The following FRMPD3 variants were observed in gnomAD, a reference collection of about 807,000 sequenced individuals.
The protein encoded by FRMPD3 is FERM and PDZ domain-containing protein 3.
In FRMPD3, 42 loss-of-function variants were observed where a neutral mutation model predicts 97.9. The observed-to-expected ratio is 0.43, with a 90% CI of 0.34 to 0.55. The LOEUF (loss-of-function observed/expected upper bound fraction) is 0.55, where lower values mean the gene tolerates loss of function less well. FRMPD3 is among the 20% of genes least tolerant of loss of function. FRMPD3 has a pLI of 0.03. For synonymous variants in FRMPD3, 577 were observed against 581.1 expected (o/e 0.99, Z 0.10); for missense variants, 1,303 against 1,457.7 (o/e 0.89, Z 1.73).
chrX:107,493,603 G>C (rs1921712158), intron 1 of FRMPD3, among the ~76,000 whole-genome samples: 1 of 112,106 alleles, frequency 8.9e-6, no homozygotes, highest in South Asian at 3.7e-4. Context: ...TTAAGCTATT[G>C]TGCCAAACAT....
chrX:107,597,594 G>T lies in FRMPD3; in HGVS notation c.1715G>T (p.Gly572Val). Residue 572 changes from glycine (G) to valine (V), a missense_variant, in exon 14 of 15, where the codon GGT (glycine) becomes GTT (valine). Physicochemically the swap from Gly to Val is moderately radical, Grantham distance 109. Around this residue, in one of 3 missense-constraint regions of FRMPD3, gnomAD observed 535 missense variants for 618.6 expected, o/e 0.86. Coordinates refer to ENST00000683843, the MANE Select transcript of FRMPD3 (RefSeq NM_001388459.1). ...SDPTSKSSGQGYEVVPDDFDA... is the reference protein window; with the variant it reads ...SDPTSKSSGQVYEVVPDDFDA... ...CCCACATCCAAAAGCTCTGGCCAAG[G>T]TTATGAGGTAGTCCCTGATGACTTT... The T allele has an allele frequency of 8.3e-7, 1 of 1,210,921 alleles. No individual in the cohort carries two copies. Among genetic ancestry groups the T allele is most frequent in the Non-Finnish European group, 1.1e-6 (1 of 895,474 alleles).
chrX:107,597,742 G>T lies in FRMPD3; in HGVS notation c.1863G>T (p.Glu621Asp). The change falls in exon 14 of 15, where the codon GAG becomes GAT. Residue 621 changes from glutamate to aspartate, a missense_variant. Coordinates refer to ENST00000683843, the MANE Select transcript of FRMPD3 (RefSeq NM_001388459.1). Reference protein sequence around the residue: ...YCDSCKAKLQEQLGPRKGGKP... With the variant: ...YCDSCKAKLQDQLGPRKGGKP... ...ACTCTTGCAAAGCCAAACTTCAGGA[G>T]CAGCTGGGCCCTCGCAAAGGTGGGA... is the stretch of plus-strand genomic sequence containing the variant. The T allele has an allele frequency of 3.3e-6, 4 of 1,200,982 alleles. No homozygotes were observed. The highest frequency in any genetic ancestry group is 2.3e-4 in the Middle Eastern group (1 of 4,348).
intron 10 of FRMPD3, among the ~76,000 whole-genome samples, chrX:107,561,339 T>TA (rs1180537475): frequency 1.8e-5 from 2 of 109,795 alleles, no homozygotes; most frequent in African/African-American, 6.8e-5. Flanking sequence ...TCTTTACTTT[T>TA]AAAAAAATAA....
chrX:107,541,607 A>G (rs1474396016), intron 4 of FRMPD3, among the ~76,000 whole-genome samples: 1 of 112,571 alleles, frequency 8.9e-6, no homozygotes, highest in Non-Finnish European at 1.9e-5. Flanking sequence ...TTTCAGTGGT[A>G]CAAACAGAAA....
Position 107,581,693 on chromosome X carries a change from T to C in FRMPD3, c.1441+5234T>C, listed in dbSNP as rs767958044. Among the ~76,000 whole-genome samples the C allele has an allele frequency of 4.5e-5, 5 of 111,684 alleles. No individual in the cohort carries two copies. The East Asian group carries it at 8.4e-4, about 19-fold the overall frequency. Reference sequence around the variant, plus strand: ...ATCACCTCCCAGCCCTAAGCAACCATTGGTCTACTTTCAGTCTATAGCTTT... The same window carrying C: ...ATCACCTCCCAGCCCTAAGCAACCACTGGTCTACTTTCAGTCTATAGCTTT... On this transcript the variant is annotated intron_variant, in intron 13 of 14. Transcript: ENST00000683843.
intron 1 of FRMPD3, among the ~76,000 whole-genome samples, chrX:107,507,398 G>T (rs1429418913): frequency 8.1e-5 from 9 of 110,909 alleles, no homozygotes; most frequent in Non-Finnish European, 1.7e-4. Flanking sequence ...GATAAGGGGC[G>T]AGGGGAATCA....
intron 1 of FRMPD3, among the ~76,000 whole-genome samples, chrX:107,485,319 G>T (rs1921477608): frequency 8.9e-6 from 1 of 112,329 alleles, no homozygotes; most frequent in Non-Finnish European, 1.9e-5. Context: ...CTGCAGGACT[G>T]TGCCTGTCAG....
intron 1 of FRMPD3, among the ~76,000 whole-genome samples, chrX:107,464,072 G>T (rs919532945): frequency 2.7e-5 from 3 of 111,601 alleles, no homozygotes; most frequent in Admixed American, 9.5e-5. Context: ...AAACATGTGG[G>T]TGGGAGGAAA....
chrX:107,504,781 G>C (rs983299210), intron 1 of FRMPD3, among the ~76,000 whole-genome samples: 1 of 111,805 alleles, frequency 8.9e-6, no homozygotes, highest in African/African-American at 3.3e-5. Flanking sequence ...TTTCTGAAAT[G>C]GGTGTCTTTG....
intron 4 of FRMPD3, 85 bp downstream of exon 4, chrX:107,533,635 TGGGG>T: frequency 1.1e-6 from 1 of 919,824 alleles, no homozygotes; most frequent in Non-Finnish European, 1.6e-6. Flanking sequence ...GTGATGGGGT[TGGGG>T]GTTCAGAGAC....
intron 2 of FRMPD3, among the ~76,000 whole-genome samples, chrX:107,528,904 C>T (rs1047545458): frequency 1.8e-5 from 2 of 113,110 alleles, no homozygotes; most frequent in Admixed American, 9.3e-5. Flanking sequence ...GCACAGCCAT[C>T]CTCAGCACAT....
At chrX:107,519,653 T>C (rs1334151397) in intron 1 of FRMPD3, among the ~76,000 whole-genome samples, 1 of 111,266 alleles carries the variant, frequency 9.0e-6, no homozygotes, top group East Asian at 2.8e-4. Context: ...AATCTGTAGA[T>C]AACAATGAGG....
At chrX:107,459,404 T>C (rs1434912133) in intron 1 of FRMPD3, among the ~76,000 whole-genome samples, 1 of 112,348 alleles carries the variant, frequency 8.9e-6, no homozygotes, top group African/African-American at 3.2e-5. Context: ...CACAGCACTT[T>C]GATGCCAGCT....
At chrX:107,461,770 TATAC>T (rs1386044692) in intron 1 of FRMPD3, among the ~76,000 whole-genome samples, 1 of 99,128 alleles carries the variant, frequency 1.0e-5, no homozygotes, top group African/African-American at 4.0e-5. Flanking sequence ...TACATATACA[TATAC>T]ATATACATAT....
intron 4 of FRMPD3, 90 bp downstream of exon 4, chrX:107,533,640 G>T (rs760276154): frequency 3.4e-5 from 28 of 823,548 alleles, no homozygotes; most frequent in East Asian, 1.6e-4. Context: ...GGGGTTGGGG[G>T]TTCAGAGACT....
At position 107,603,598 on chromosome X, in the gene FRMPD3, C is replaced by T. The variant is rs982766127; in HGVS notation, c.*225C>T. 2.5e-5 allele frequency: 15 copies of T among 609,377 alleles called. No homozygotes were observed. The highest frequency in any genetic ancestry group is 3.3e-5 in the Non-Finnish European group (14 of 425,338). The allele number at this position is 609,377 out of a possible 1,213,427, so 50.2% of individuals were successfully genotyped here. Reference sequence around the variant, plus strand: ...CTCACCCCTTCCCTGGCCTCTGGGCCTCACTGTGAGGGCAAAGGCCCCTCT... The same window carrying T: ...CTCACCCCTTCCCTGGCCTCTGGGCTTCACTGTGAGGGCAAAGGCCCCTCT... On this transcript the variant is annotated 3_prime_UTR_variant, in exon 15 of 15. Transcript: ENST00000683843.
At position 107,601,920 on chromosome X, in the gene FRMPD3, A is replaced by T; in HGVS notation, c.3881A>T (p.Glu1294Val). 1 of 1,189,041 alleles carries T rather than the reference A, an allele frequency of 8.4e-7. No individual in the cohort carries two copies. Among genetic ancestry groups the T allele is most frequent in the Non-Finnish European group, 1.1e-6 (1 of 885,503 alleles). The change falls in exon 15 of 15, where the codon GAG becomes GTG. Residue 1294 changes from glutamate (E) to valine (V), a missense_variant. Glu to Val is a moderately radical substitution (Grantham distance 121). Transcript: ENST00000683843. ...CAGCAGGGGCCTGGCATGTCCCGTG[A>T]GCAGAGGCGCAGCTGTGACTGCAAG... ...PVQQGPGMSREQRRSCDCKRI... is the reference protein window; with the variant it reads ...PVQQGPGMSRVQRRSCDCKRI...
rs774638952 is a variant in FRMPD3, at chrX:107,539,669, T to C, written c.298-6068T>C. On this transcript the variant is annotated intron_variant, in intron 4 of 14. Coordinates refer to ENST00000683843, the MANE Select transcript of FRMPD3 (RefSeq NM_001388459.1). ...TTCCTGACGTATAGTGTTTGTCAGA[T>C]GGTAGATACTCCAACCATATATGCT... 1.4e-4 allele frequency among the ~76,000 whole-genome samples: 16 copies of C among 111,451 alleles called. No homozygotes were observed. The South Asian group carries it at 1.5e-3, about 11-fold the overall frequency.
intron 1 of FRMPD3, among the ~76,000 whole-genome samples, chrX:107,471,645 G>T (rs1449507856): frequency 8.9e-6 from 1 of 111,787 alleles, no homozygotes; most frequent in Admixed American, 9.5e-5. Context: ...CCTTTTTATG[G>T]CTGCATAGTA....
Sources: gnomAD v4.1 joint callset for allele counts (sites outside exome capture counted in the v4.1 genomes callset) on GRCh38, gnomAD v4.1.1 for gene constraint, gnomAD v4.1.1 regional missense constraint, MANE v1.5 for transcripts, NCBI Gene and HGNC (gene_info 2026-07-23, HGNC 2026-07-21) for gene names.